Variants in RABGAP1L observed in about 807,000 individuals in gnomAD.
RABGAP1L encodes the protein RAB GTPase activating protein 1 like, also known as rab GTPase-activating protein 1-like.
In RABGAP1L, 63 loss-of-function variants were observed where a neutral mutation model predicts 137.7. That is an observed-to-expected ratio of 0.46 (90% confidence interval 0.37 to 0.56). The LOEUF is 0.56. Ranked by LOEUF, RABGAP1L falls within the 20% of genes least tolerant of loss-of-function variation. RABGAP1L has a pLI of 0.00. For synonymous variants in RABGAP1L, 431 were observed against 433.7 expected, an observed-to-expected ratio of 0.99 and a Z score of 0.08; for missense variants, 1,095 against 1,244.0, an observed-to-expected ratio of 0.88 and a Z score of 1.80.
chr1:174,918,155 C>T (rs73037313), intron 19 of RABGAP1L, among the ~76,000 whole-genome samples: 2,503 of 152,064 alleles, frequency 0.016, 69 homozygotes, highest in African/African-American at 0.057. Context: ...TTGGAAAAAT[C>T]CCAGGACTGG....
intron 13 of RABGAP1L, among the ~76,000 whole-genome samples, chr1:174,498,690 T>C (rs1660970363): frequency 6.6e-6 from 1 of 151,030 alleles, no homozygotes. Context: ...TTTGTATTTT[T>C]AGTAAAGATG....
In RABGAP1L at chr1:174,636,421, G is replaced by C. The variant is rs200816596; in HGVS notation, c.1711-954G>C. ...CGGGCACCTGTAATCCCAGCTACTT[G>C]GGAGGCTGAGGCAGGAGAATCGCTT... On this transcript the variant is annotated intron_variant, in intron 13 of 25. Coordinates refer to ENST00000681986, the MANE Select transcript of RABGAP1L (RefSeq NM_001366446.1). 2.9e-4 allele frequency among the ~76,000 whole-genome samples: 44 copies of C among 152,076 alleles called. No homozygotes were observed. In the East Asian group the frequency reaches 6.6e-3, roughly 23 times the overall value.
intron 24 of RABGAP1L, among the ~76,000 whole-genome samples, chr1:174,983,857 G>A (rs1332686346): frequency 6.6e-6 from 1 of 152,034 alleles, no homozygotes; most frequent in East Asian, 1.9e-4. Flanking sequence ...GTGAGTATAA[G>A]GTTTGGTGTT....
At chr1:174,565,300 C>T (rs1667497865) in intron 13 of RABGAP1L, among the ~76,000 whole-genome samples, 1 of 152,122 alleles carries the variant, frequency 6.6e-6, no homozygotes, top group South Asian at 2.1e-4. Context: ...TGGCTTTCCC[C>T]ATATCTCCCT....
At chr1:174,202,411 G>A (rs1668186384) in intron 1 of RABGAP1L, among the ~76,000 whole-genome samples, 1 of 152,210 alleles carries the variant, frequency 6.6e-6, no homozygotes, top group Admixed American at 6.5e-5. Context: ...GTGATGGTGA[G>A]CATTTTTTAA....
At chr1:174,516,718 A>G (rs1228023092) in intron 13 of RABGAP1L, among the ~76,000 whole-genome samples, 1 of 152,114 alleles carries the variant, frequency 6.6e-6, no homozygotes, top group African/African-American at 2.4e-5. Context: ...GTGTGTTATA[A>G]TTAGGGCTTA....
At chr1:174,512,538 C>T (rs1425493726) in intron 13 of RABGAP1L, among the ~76,000 whole-genome samples, 2 of 152,130 alleles carry the variant, frequency 1.3e-5, no homozygotes, top group African/African-American at 4.8e-5. Context: ...AGCACAACAC[C>T]TTCTTCGAAG....
intron 17 of RABGAP1L, among the ~76,000 whole-genome samples, chr1:174,711,199 C>G (rs778994855): frequency 6.6e-6 from 1 of 152,134 alleles, no homozygotes; most frequent in African/African-American, 2.4e-5. Flanking sequence ...TGTACAGCCC[C>G]GGTTCCCACC....
intron 18 of RABGAP1L, among the ~76,000 whole-genome samples, chr1:174,775,364 A>G (rs999865264): frequency 1.8e-4 from 26 of 148,320 alleles, no homozygotes; most frequent in Non-Finnish European, 2.8e-4. Context: ...CCCAGGCTGG[A>G]GTGCAATGGT....
chr1:174,548,594 C>A lies in RABGAP1L; in HGVS notation c.1711-88781C>A, dbSNP rs1035814994. The A allele has an allele frequency of 3.1e-6, 3 of 963,966 alleles. No individual in the cohort carries two copies. The African/African-American group carries it at 5.3e-5, about 17-fold the overall frequency. 59.7% of individuals were successfully genotyped at this position (963,966 alleles called of 1,614,324 possible). A position where few individuals can be genotyped will look rare whatever the true frequency, so the allele number is the denominator to read the frequency against. On this transcript the variant is annotated intron_variant, in intron 13 of 25. Transcript: ENST00000681986. ...GTGAGATGTACTTTTTTCATACCCACAGAAATTTGCAGAGGGCTTCTGCAT... is the reference window on the plus strand; with the variant it reads ...GTGAGATGTACTTTTTTCATACCCAAAGAAATTTGCAGAGGGCTTCTGCAT...
At chr1:174,414,166 CTTAAT>C (rs1319149691) in intron 13 of RABGAP1L, among the ~76,000 whole-genome samples, 3 of 151,860 alleles carry the variant, frequency 2.0e-5, no homozygotes, top group Non-Finnish European at 4.4e-5. Context: ...ATAATTTTTT[CTTAAT>C]TTTTTTGATA....
At chr1:174,444,873 C>CA (rs1017144833) in intron 13 of RABGAP1L, among the ~76,000 whole-genome samples, 1 of 151,912 alleles carries the variant, frequency 6.6e-6, no homozygotes, top group African/African-American at 2.4e-5. Flanking sequence ...TTTATCTTTT[C>CA]AAAAAATCAA....
chr1:174,610,141 G>T (rs545260185), intron 13 of RABGAP1L, among the ~76,000 whole-genome samples: 1 of 150,454 alleles, frequency 6.6e-6, no homozygotes, highest in Non-Finnish European at 1.5e-5. Context: ...TGCCATGCTG[G>T]TGTGCTGCAC....
intron 13 of RABGAP1L, among the ~76,000 whole-genome samples, chr1:174,580,763 T>G (rs1668684701): frequency 6.6e-6 from 1 of 151,924 alleles, no homozygotes; most frequent in Non-Finnish European, 1.5e-5. Context: ...ACATATACCC[T>G]AAAACTTAAA....
chr1:174,793,368 T>A (rs1297282494), intron 18 of RABGAP1L, among the ~76,000 whole-genome samples: 1 of 152,238 alleles, frequency 6.6e-6, no homozygotes, highest in African/African-American at 2.4e-5. Context: ...TTAACAGTTA[T>A]GCCTTAAATT....
intron 18 of RABGAP1L, among the ~76,000 whole-genome samples, chr1:174,797,876 T>C (rs1252602186): frequency 2.0e-5 from 3 of 152,134 alleles, no homozygotes; most frequent in Admixed American, 2.0e-4. Context: ...TGAAATTTAT[T>C]TGTATATACG....
rs562951136 is a variant in RABGAP1L at position 174,620,587 on chromosome 1, G to A, written c.1711-16788G>A. On this transcript the variant is annotated intron_variant, in intron 13 of 25. Coordinates refer to ENST00000681986, the MANE Select transcript of RABGAP1L (RefSeq NM_001366446.1). ...AATAAAGATGTTCTTTGAAACCAAC[G>A]AGAACAAAGACACAACGTACCAGAA... Among the ~76,000 whole-genome samples, 1,244 of 152,164 alleles carry A rather than the reference G, an allele frequency of 8.2e-3. 14 individuals are homozygous for A. The highest frequency in any genetic ancestry group is 0.029 in the African/African-American group (1,188 of 41,498).
In RABGAP1L at chr1:174,640,660, T is replaced by C. The variant is rs143133183; in HGVS notation, c.1824+3172T>C. 1.3e-3 allele frequency among the ~76,000 whole-genome samples: 203 copies of C among 152,202 alleles called. 1 individual carries two copies. Among genetic ancestry groups the C allele is most frequent in the African/African-American group, 4.5e-3 (189 of 41,560 alleles). ...CCGCGCAGAACTGAATAAACATTAATAACACCTTGATCTTATCTCAGCTGC... is the reference window on the plus strand; with the variant it reads ...CCGCGCAGAACTGAATAAACATTAACAACACCTTGATCTTATCTCAGCTGC... On this transcript the variant is annotated intron_variant, in intron 14 of 25. Transcript: ENST00000681986.
chr1:174,538,589 T>C (rs1049225589), intron 13 of RABGAP1L, among the ~76,000 whole-genome samples: 2 of 152,188 alleles, frequency 1.3e-5, no homozygotes, highest in African/African-American at 4.8e-5. Context: ...ACATTTAATT[T>C]TTCTATGACT....
Sources: allele counts gnomAD v4.1 joint callset (sites outside exome capture counted in the v4.1 genomes callset), GRCh38; gene constraint gnomAD v4.1.1; transcripts MANE v1.5; gene names NCBI Gene and HGNC (gene_info 2026-07-23, HGNC 2026-07-21).